The following CHN2 variants were observed in gnomAD, a reference collection of about 807,000 sequenced individuals.
The protein encoded by CHN2 is beta-chimaerin.
A neutral mutation model predicts 56.3 loss-of-function variants in CHN2; 35 were observed. The observed-to-expected ratio is 0.62, with a 90% CI of 0.47 to 0.82. The LOEUF is 0.82. CHN2 is among the 40% of genes least tolerant of loss of function. The probability of loss-of-function intolerance (pLI) is 0.00; values close to 1 mark genes in which losing one functional copy is unlikely to be tolerated. For synonymous variants in CHN2, 210 were observed against 212.8 expected (o/e 0.99, Z 0.12); for missense variants, 491 against 580.5 (o/e 0.85, Z 1.58).
chr7:29,467,274 A>G (rs752751475), intron 6 of CHN2, among the ~76,000 whole-genome samples: 2 of 152,206 alleles, frequency 1.3e-5, no homozygotes, highest in Non-Finnish European at 2.9e-5. Context: ...CACATGGCCA[A>G]ATTACTTCCT....
intron 6 of CHN2, among the ~76,000 whole-genome samples, chr7:29,466,372 A>G (rs1326347878): frequency 6.6e-6 from 1 of 152,212 alleles, no homozygotes; most frequent in Non-Finnish European, 1.5e-5. Flanking sequence ...GATAATATTC[A>G]TTATTCTTTT....
At chr7:29,443,235 C>T (rs540552242) in intron 6 of CHN2, among the ~76,000 whole-genome samples, 8 of 152,136 alleles carry the variant, frequency 5.3e-5, no homozygotes, top group Admixed American at 2.6e-4. Flanking sequence ...CCACTGTGCC[C>T]GGCCCAATTT....
chr7:29,205,204 A>G (rs995387016), intron 1 of CHN2, among the ~76,000 whole-genome samples: 1 of 152,160 alleles, frequency 6.6e-6, no homozygotes, highest in African/African-American at 2.4e-5. Flanking sequence ...AGTTTCAGCC[A>G]TTTTCTACCT....
intron 1 of CHN2, among the ~76,000 whole-genome samples, chr7:29,291,577 T>G (rs1792631192): frequency 6.6e-6 from 1 of 152,238 alleles, no homozygotes; most frequent in African/African-American, 2.4e-5. Flanking sequence ...TATTTGACAT[T>G]ATTTTAATGG....
rs144100426 is a variant in CHN2, at chr7:29,218,360, G to A, written c.49+23370G>A. Among the ~76,000 whole-genome samples, 970 of 152,278 alleles carry A rather than the reference G, an allele frequency of 6.4e-3. 14 individuals carry two copies. Among genetic ancestry groups the A allele is most frequent in the African/African-American group, 0.022 (925 of 41,546 alleles). On this transcript the variant is annotated intron_variant, in intron 1 of 12. Transcript: ENST00000222792. ...TCCTAGTAAGATAAGCGTTTGGACT[G>A]TAAACTAGTTCAATCATTGTGGAAG...
intron 6 of CHN2, among the ~76,000 whole-genome samples, chr7:29,468,152 C>CCCA (rs1554298266): frequency 8.6e-6 from 1 of 116,178 alleles, no homozygotes; most frequent in Non-Finnish European, 1.9e-5. Context: ...CCCCCCCCCC[C>CCCA]CCCGCCCGAC....
At chr7:29,327,734 T>C (rs1389569579) in intron 1 of CHN2, among the ~76,000 whole-genome samples, 1 of 152,216 alleles carries the variant, frequency 6.6e-6, no homozygotes, top group Non-Finnish European at 1.5e-5. Context: ...GCCGTATAAA[T>C]GCTATAGGAT....
chr7:29,155,453 C>T (rs112267346), intron 2 of CHN2, among the ~76,000 whole-genome samples: 9,241 of 152,196 alleles, frequency 0.061, 280 homozygotes, highest in Middle Eastern at 0.089. Context: ...TTACTGTAAC[C>T]CGAAAAGGTA....
At chr7:29,483,100 C>T (rs994095777) in intron 7 of CHN2, among the ~76,000 whole-genome samples, 4 of 152,080 alleles carry the variant, frequency 2.6e-5, no homozygotes, top group African/African-American at 7.2e-5. Flanking sequence ...GGATTACAGG[C>T]GTGAGCCACC....
chr7:29,384,431 G>T (rs763551275), intron 3 of CHN2, among the ~76,000 whole-genome samples: 6 of 152,094 alleles, frequency 3.9e-5, no homozygotes, highest in Non-Finnish European at 8.8e-5. Flanking sequence ...GGGAATGACA[G>T]TCTCCATGTG....
intron 1 of CHN2, among the ~76,000 whole-genome samples, chr7:29,220,999 AG>A (rs1785750723): frequency 6.6e-6 from 1 of 152,248 alleles, no homozygotes; most frequent in African/African-American, 2.4e-5. Context: ...CCTCGTTAAA[AG>A]AATCAAAGAG....
At chr7:29,510,677 G>A (rs142848807) in intron 12 of CHN2, among the ~76,000 whole-genome samples, 1 of 152,264 alleles carries the variant, frequency 6.6e-6, no homozygotes, top group African/African-American at 2.4e-5. Flanking sequence ...CACCCAATAT[G>A]AGAGACAGTC....
intron 1 of CHN2, among the ~76,000 whole-genome samples, chr7:29,304,026 C>T (rs1793933210): frequency 6.6e-6 from 1 of 151,484 alleles, no homozygotes; most frequent in South Asian, 2.1e-4. Flanking sequence ...TGCCACTGCA[C>T]TCCAGCCTGG....
At chr7:29,200,279 A>C (rs897620838) in intron 1 of CHN2, among the ~76,000 whole-genome samples, 1 of 152,200 alleles carries the variant, frequency 6.6e-6, no homozygotes. Context: ...TTTCAAAACA[A>C]AATGGCTTTT....
chr7:29,354,747 A>G (rs1798153773), intron 2 of CHN2, 84 bp downstream of exon 2: 6 of 1,226,664 alleles, frequency 4.9e-6, no homozygotes, highest in Non-Finnish European at 7.2e-6. Context: ...TGTAGTGCAC[A>G]CAAGCGTTCC....
intron 1 of CHN2, among the ~76,000 whole-genome samples, chr7:29,266,473 A>C (rs1381028808): frequency 2.6e-5 from 4 of 152,202 alleles, no homozygotes; most frequent in African/African-American, 9.6e-5. Flanking sequence ...TGGTCTTTGT[A>C]ATTGTTATTC....
intron 6 of CHN2, among the ~76,000 whole-genome samples, chr7:29,421,885 G>C (rs1001534929): frequency 6.6e-6 from 1 of 152,152 alleles, no homozygotes; most frequent in Non-Finnish European, 1.5e-5. Context: ...AGATTTAAGG[G>C]ACTTGAAGAA....
intron 4 of CHN2, among the ~76,000 whole-genome samples, chr7:29,395,239 A>G (rs1458894834): frequency 6.6e-6 from 1 of 152,224 alleles, no homozygotes; most frequent in Non-Finnish European, 1.5e-5. Context: ...AAAATAAATT[A>G]TGGCTGGGCA....
At chr7:29,278,313 C>T (rs981375685) in intron 1 of CHN2, among the ~76,000 whole-genome samples, 4 of 152,162 alleles carry the variant, frequency 2.6e-5, no homozygotes, top group African/African-American at 9.7e-5. Flanking sequence ...CTGTAAAGGG[C>T]AGACAATACA....
Sources: allele counts gnomAD v4.1 joint callset (sites outside exome capture counted in the v4.1 genomes callset), GRCh38; gene constraint gnomAD v4.1.1; transcripts MANE v1.5; gene names NCBI Gene and HGNC (gene_info 2026-07-23, HGNC 2026-07-21).